Variants in MS4A5 observed in about 807,000 individuals in gnomAD.
The protein encoded by MS4A5 is membrane-spanning 4-domains subfamily A member 5.
MS4A5 carries 15 observed loss-of-function variants against 18.2 expected under a neutral mutation model. The observed-to-expected ratio is 0.83, with a 90% CI of 0.55 to 1.27. MS4A5 has a LOEUF of 1.27. MS4A5 is among the 50% of genes most tolerant of loss of function. MS4A5 has a pLI of 0.00. For missense variants in MS4A5, 232 were observed against 225.7 expected, an observed-to-expected ratio of 1.03 and a Z score of -0.18; for synonymous variants, 89 against 78.7, an observed-to-expected ratio of 1.13 and a Z score of -0.69.
chr11:60,442,335 A>C (rs2086117527), intron 4 of MS4A5, among the ~76,000 whole-genome samples: 1 of 152,222 alleles, frequency 6.6e-6, no homozygotes, highest in African/African-American at 2.4e-5. Flanking sequence ...AACATTCACT[A>C]TCTTTGCACT....
rs2086055519 is a variant in MS4A5, at chr11:60,432,537, C to T, written c.339+70C>T. On this transcript the variant is annotated intron_variant, in intron 3 of 4. Coordinates refer to ENST00000300190, the MANE Select transcript of MS4A5 (RefSeq NM_023945.3). ...TCATGGTGGCTCATACCTGTAATCC[C>T]AGCACTTTGGGAGGCCAAGACGGGT... 3 of 1,034,648 alleles carry T rather than the reference C, an allele frequency of 2.9e-6. No homozygotes were observed. In the East Asian group the frequency reaches 8.1e-5, roughly 28 times the overall value. 64.1% of individuals were successfully genotyped at this position (1,034,648 alleles called of 1,614,324 possible). A position where few individuals can be genotyped will look rare whatever the true frequency, so the allele number is the denominator to read the frequency against.
In MS4A5 at chr11:60,430,925, G is replaced by C; in HGVS notation, c.282+1G>C. On this transcript the variant is annotated splice_donor_variant, in intron 2 of 4. Coordinates refer to ENST00000300190, the MANE Select transcript of MS4A5 (RefSeq NM_023945.3). LOFTEE classifies it high-confidence loss of function. ...ATATCCATTCTGGGGCTCTGTTTTGGTGAGTATAGTCAATCAAGTTCAATT... is the reference window on the plus strand; with the variant it reads ...ATATCCATTCTGGGGCTCTGTTTTGCTGAGTATAGTCAATCAAGTTCAATT... 1 of 1,609,778 alleles carries C rather than the reference G, an allele frequency of 6.2e-7. No individual in the cohort carries two copies. The highest frequency in any genetic ancestry group is 8.5e-7 in the Non-Finnish European group (1 of 1,179,244).
At chr11:60,440,614 A>G (rs2086106218) in intron 4 of MS4A5, among the ~76,000 whole-genome samples, 1 of 150,626 alleles carries the variant, frequency 6.6e-6, no homozygotes, top group Non-Finnish European at 1.5e-5. Context: ...AAAGTGGGTG[A>G]AGGACATGAA....
At chr11:60,430,969 G>C in intron 2 of MS4A5, 45 bp downstream of exon 2, 1 of 1,579,128 alleles carries the variant, frequency 6.3e-7, no homozygotes, top group Non-Finnish European at 8.6e-7. Flanking sequence ...TGCCAACCAG[G>C]ATGTTAGGGA....
At chr11:60,444,526 C>T (rs1358652528) in intron 4 of MS4A5, among the ~76,000 whole-genome samples, 1 of 152,132 alleles carries the variant, frequency 6.6e-6, no homozygotes, top group East Asian at 1.9e-4. Flanking sequence ...ATATCTCTCT[C>T]TCACAAAAGA....
chr11:60,442,081 A>G (rs2086116068), intron 4 of MS4A5, among the ~76,000 whole-genome samples: 1 of 152,234 alleles, frequency 6.6e-6, no homozygotes, highest in Non-Finnish European at 1.5e-5. Flanking sequence ...CAGACCATAA[A>G]ATTACAGAAT....
intron 4 of MS4A5, chr11:60,435,590 G>A (rs537084733): frequency 2.4e-4 from 71 of 292,220 alleles, no homozygotes; most frequent in Admixed American, 1.2e-3. Context: ...TGCGCGAGCC[G>A]AAGCAGGGCG....
At chr11:60,442,491 G>T (rs890528546) in intron 4 of MS4A5, among the ~76,000 whole-genome samples, 1 of 152,080 alleles carries the variant, frequency 6.6e-6, no homozygotes, top group African/African-American at 2.4e-5. Context: ...GGCCTGTTGG[G>T]GGGTAGTGGG....
At position 60,429,635 on chromosome 11, in the gene MS4A5, C is replaced by T. The variant is rs1331050277; in HGVS notation, c.-40C>T. 2 of 1,582,224 alleles carry T rather than the reference C, an allele frequency of 1.3e-6. No homozygotes were observed. The highest frequency in any genetic ancestry group is 1.7e-6 in the Non-Finnish European group (2 of 1,166,742). The stretch of plus-strand genomic sequence containing the variant: ...AAGAACATGGTCTAGACTGAAGTAC[C>T]AACTAAATCATCTCCTTTCAAATTA... On this transcript the variant is annotated 5_prime_UTR_variant, in exon 1 of 5. Transcript: ENST00000300190.
At position 60,447,638 on chromosome 11, in the gene MS4A5, T is replaced by C; in HGVS notation, c.493-11T>C. The C allele has an allele frequency of 1.4e-6, 2 of 1,456,846 alleles. No individual in the cohort carries two copies. Among genetic ancestry groups the C allele is most frequent in the Non-Finnish European group, 1.9e-6 (2 of 1,066,082 alleles). 90.2% of individuals were successfully genotyped at this position (1,456,846 alleles called of 1,614,324 possible). ...GACTCTTCATTTTTTTTTCTTCTTC[T>C]TCTATTACAGGGAATTTTGATTACA... is the stretch of plus-strand genomic sequence containing the variant. On this transcript the variant is annotated splice_polypyrimidine_tract_variant and intron_variant, in intron 4 of 4. Coordinates refer to ENST00000300190, the MANE Select transcript of MS4A5 (RefSeq NM_023945.3).
intron 4 of MS4A5, among the ~76,000 whole-genome samples, chr11:60,445,313 G>T (rs182484157): frequency 3.2e-4 from 49 of 151,638 alleles, no homozygotes; most frequent in Non-Finnish European, 6.0e-4. Flanking sequence ...AGGCTGGTGT[G>T]CAGTGATGTC....
At chr11:60,434,599 G>A (rs1003061835) in intron 4 of MS4A5, among the ~76,000 whole-genome samples, 1 of 152,174 alleles carries the variant, frequency 6.6e-6, no homozygotes, top group African/African-American at 2.4e-5. Context: ...TAATGGTTAA[G>A]TATGGCTATG....
At chr11:60,442,719 C>T (rs1344563953) in intron 4 of MS4A5, among the ~76,000 whole-genome samples, 1 of 152,202 alleles carries the variant, frequency 6.6e-6, no homozygotes, top group Non-Finnish European at 1.5e-5. Flanking sequence ...CAACAGATCT[C>T]TTGAACTTAT....
chr11:60,429,759 T>A lies in MS4A5; in HGVS notation c.85T>A (p.Ser29Thr), dbSNP rs745728410. ...TTCAGAATATGAGTCCACAGAACTT[T>A]CAGCCACGACCTTTTCAACTCAAAG... ...TASEYESTEL[S>T]ATTFSTQSPL... The change falls in exon 1 of 5, where the codon TCA (serine) becomes ACA (threonine). Residue 29 changes from serine to threonine, a missense_variant. Coordinates refer to ENST00000300190, the MANE Select transcript of MS4A5 (RefSeq NM_023945.3). 5.0e-6 allele frequency: 8 copies of A among 1,614,040 alleles called. No individual in the cohort carries two copies.
At chr11:60,438,221 C>G (rs1348811509) in intron 4 of MS4A5, among the ~76,000 whole-genome samples, 4 of 152,100 alleles carry the variant, frequency 2.6e-5, no homozygotes, top group Non-Finnish European at 5.9e-5. Context: ...TTCTTTGAAA[C>G]CAATGAGAAC....
chr11:60,438,821 T>C (rs2086095166), intron 4 of MS4A5, among the ~76,000 whole-genome samples: 1 of 129,788 alleles, frequency 7.7e-6, no homozygotes, highest in African/African-American at 3.0e-5. Context: ...CCAGATGGAT[T>C]CACAGCCGAA....
intron 1 of MS4A5, 85 bp from the exon 2 acceptor site, chr11:60,430,711 C>A: frequency 6.6e-7 from 1 of 1,506,088 alleles, no homozygotes; most frequent in Non-Finnish European, 9.0e-7. Context: ...ATTGCCAAAT[C>A]CTTTTGACCA....
chr11:60,435,507 C>G (rs1030156265), intron 4 of MS4A5: 1 of 395,174 alleles, frequency 2.5e-6, no homozygotes, highest in East Asian at 7.1e-5. Flanking sequence ...TTCTGCATTT[C>G]CATCTGAGGT....
At chr11:60,446,752 A>C (rs1021451529) in intron 4 of MS4A5, among the ~76,000 whole-genome samples, 2 of 151,696 alleles carry the variant, frequency 1.3e-5, no homozygotes, top group Non-Finnish European at 2.9e-5. Flanking sequence ...AAAAAAGACA[A>C]AAAAGAAACC....
Sources: gnomAD v4.1 joint callset for allele counts (sites outside exome capture counted in the v4.1 genomes callset) on GRCh38, gnomAD v4.1.1 for gene constraint, MANE v1.5 for transcripts, NCBI Gene and HGNC (gene_info 2026-07-23, HGNC 2026-07-21) for gene names.